Variants in C1orf21 observed in about 807,000 individuals in gnomAD.
The protein encoded by C1orf21 is chromosome 1 open reading frame 21, also known as uncharacterized protein C1orf21.
A neutral mutation model predicts 18.7 loss-of-function variants in C1orf21; 3 were observed. The ratio of observed to expected loss-of-function variants is 0.16; its 90% confidence interval spans 0.07 to 0.42. C1orf21 has a LOEUF of 0.42. Among genes scored for constraint, C1orf21 ranks in the 10% least tolerant of loss-of-function variants. The pLI is 0.99. For synonymous variants in C1orf21, 41 were observed against 46.4 expected (o/e 0.88, Z 0.47); for missense variants, 104 against 143.6 (o/e 0.72, Z 1.41).
At chr1:184,586,439 T>A (rs547455415) in intron 3 of C1orf21, among the ~76,000 whole-genome samples, 8 of 151,814 alleles carry the variant, frequency 5.3e-5, no homozygotes, top group African/African-American at 1.7e-4. Flanking sequence ...GCCCGCCACC[T>A]CGCCCGGCTA....
intron 1 of C1orf21, among the ~76,000 whole-genome samples, chr1:184,464,548 G>C (rs1365637398): frequency 1.3e-5 from 2 of 152,222 alleles, no homozygotes; most frequent in Non-Finnish European, 2.9e-5. Context: ...AGGGCACCTG[G>C]CATAGCAAGA....
intron 3 of C1orf21, among the ~76,000 whole-genome samples, chr1:184,573,335 C>A (rs1659140906): frequency 6.6e-6 from 1 of 152,176 alleles, no homozygotes. Flanking sequence ...AGTGGTATTT[C>A]CATTTACAAA....
intron 3 of C1orf21, among the ~76,000 whole-genome samples, chr1:184,528,358 A>G (rs1658408528): frequency 6.6e-6 from 1 of 152,216 alleles, no homozygotes; most frequent in Non-Finnish European, 1.5e-5. Flanking sequence ...GGTGCAAGTA[A>G]TAGTTTTTCC....
rs145581660 is a variant in C1orf21, at chr1:184,533,772, C to T, written c.189+26090C>T. On this transcript the variant is annotated intron_variant, in intron 3 of 5. Transcript: ENST00000235307. ...CAGGAAAGGGTGAATGGATGCCAGC[C>T]AGTTCCACAGGAGGCCCTGGCCGGG... Among the ~76,000 whole-genome samples, 940 of 152,346 alleles carry T rather than the reference C, an allele frequency of 6.2e-3. 3 individuals are homozygous for T. Among genetic ancestry groups the T allele is most frequent in the Middle Eastern group, 0.017 (5 of 294 alleles).
intron 4 of C1orf21, among the ~76,000 whole-genome samples, chr1:184,594,284 C>CA (rs796238500): frequency 1.2e-4 from 19 of 152,186 alleles, no homozygotes; most frequent in African/African-American, 4.6e-4. Flanking sequence ...ACCAGGAACC[C>CA]ACCTAGTAAT....
At chr1:184,561,882 C>G (rs891207429) in intron 3 of C1orf21, among the ~76,000 whole-genome samples, 2 of 152,150 alleles carry the variant, frequency 1.3e-5, no homozygotes, top group African/African-American at 2.4e-5. Flanking sequence ...ATCCGCCCAC[C>G]TTGGCCTCCC....
chr1:184,560,493 A>G (rs937532249), intron 3 of C1orf21, among the ~76,000 whole-genome samples: 1 of 152,254 alleles, frequency 6.6e-6, no homozygotes, highest in Non-Finnish European at 1.5e-5. Context: ...GAAAAGGCAA[A>G]TCAGAATATT....
chr1:184,593,225 T>C (rs1273143106), intron 4 of C1orf21, among the ~76,000 whole-genome samples: 3 of 152,196 alleles, frequency 2.0e-5, no homozygotes, highest in Non-Finnish European at 4.4e-5. Flanking sequence ...TGGCATGTGC[T>C]GAAGCTTTCA....
intron 3 of C1orf21, among the ~76,000 whole-genome samples, chr1:184,569,777 T>C (rs1034780330): frequency 2.6e-5 from 4 of 152,146 alleles, no homozygotes; most frequent in African/African-American, 7.2e-5. Flanking sequence ...ATTTTGAAGA[T>C]TGGGGCCAGG....
At chr1:184,473,121 G>A (rs1483233892) in intron 1 of C1orf21, among the ~76,000 whole-genome samples, 1 of 152,192 alleles carries the variant, frequency 6.6e-6, no homozygotes, top group Admixed American at 6.5e-5. Flanking sequence ...GCAGTTAATT[G>A]GACCTCATGT....
intron 1 of C1orf21, among the ~76,000 whole-genome samples, chr1:184,393,103 C>G (rs1396690656): frequency 6.6e-6 from 1 of 152,048 alleles, no homozygotes. Flanking sequence ...ACCACCGCAG[C>G]ATCAGCCACT....
At chr1:184,431,580 C>T (rs935021019) in intron 1 of C1orf21, among the ~76,000 whole-genome samples, 8 of 152,162 alleles carry the variant, frequency 5.3e-5, no homozygotes, top group African/African-American at 1.7e-4. Flanking sequence ...ATGATTAAAA[C>T]ACCAAAAGCA....
At chr1:184,418,437 C>G (rs1473277999) in intron 1 of C1orf21, among the ~76,000 whole-genome samples, 1 of 152,162 alleles carries the variant, frequency 6.6e-6, no homozygotes, top group Non-Finnish European at 1.5e-5. Flanking sequence ...TGGTCTTGAA[C>G]TCCTGGGCTG....
chr1:184,610,692 A>C (rs1381182893), intron 5 of C1orf21, among the ~76,000 whole-genome samples: 1 of 152,022 alleles, frequency 6.6e-6, no homozygotes, highest in East Asian at 1.9e-4. Flanking sequence ...TAAAAATACA[A>C]AAAAATTTAG....
chr1:184,510,054 G>C (rs1242537769), intron 3 of C1orf21, among the ~76,000 whole-genome samples: 3 of 152,232 alleles, frequency 2.0e-5, no homozygotes, highest in Non-Finnish European at 4.4e-5. Context: ...CCACCTGTAA[G>C]AGTTAGGCAT....
intron 3 of C1orf21, among the ~76,000 whole-genome samples, chr1:184,515,339 A>G (rs770551954): frequency 1.3e-4 from 20 of 152,196 alleles, no homozygotes; most frequent in African/African-American, 3.9e-4. Context: ...TAAAAGTCCA[A>G]TATTGACTAC....
At chr1:184,494,547 G>C (rs1357304039) in intron 2 of C1orf21, among the ~76,000 whole-genome samples, 1 of 152,098 alleles carries the variant, frequency 6.6e-6, no homozygotes, top group Non-Finnish European at 1.5e-5. Flanking sequence ...AATGAGATAT[G>C]GGCGGGCTTG....
intron 3 of C1orf21, among the ~76,000 whole-genome samples, chr1:184,553,783 G>A (rs1415205881): frequency 6.6e-6 from 1 of 152,174 alleles, no homozygotes; most frequent in Non-Finnish European, 1.5e-5. Context: ...CCCAATGGCA[G>A]AGTAGAAGAG....
At chr1:184,414,660 A>G (rs1656418892) in intron 1 of C1orf21, among the ~76,000 whole-genome samples, 1 of 152,116 alleles carries the variant, frequency 6.6e-6, no homozygotes, top group African/African-American at 2.4e-5. Context: ...TAACCAAACT[A>G]TGTTTTTGTC....
Sources: gnomAD v4.1 joint callset for allele counts (sites outside exome capture counted in the v4.1 genomes callset) on GRCh38, gnomAD v4.1.1 for gene constraint, MANE v1.5 for transcripts, NCBI Gene and HGNC (gene_info 2026-07-23, HGNC 2026-07-21) for gene names.